Variants in CSMD1 observed in about 807,000 individuals in gnomAD.
CSMD1 encodes CUB and sushi domain-containing protein 1.
CSMD1 carries 213 observed loss-of-function variants against 417.5 expected under a neutral mutation model. The observed-to-expected ratio is 0.51, with a 90% CI of 0.46 to 0.57. CSMD1 has a LOEUF of 0.57. Ranked by LOEUF, CSMD1 falls within the 20% of genes least tolerant of loss-of-function variation. CSMD1 has a pLI of 0.00. For missense variants in CSMD1, 6,923 were observed against 4,529.7 expected (o/e 1.53, Z -15.17); for synonymous variants, 2,862 against 1,736.8 (o/e 1.65, Z -16.11).
At chr8:3,812,047 C>A (rs1801120746) in intron 5 of CSMD1, among the ~76,000 whole-genome samples, 2 of 151,958 alleles carry the variant, frequency 1.3e-5, no homozygotes, top group Non-Finnish European at 1.5e-5. Context: ...AAAAAAATTC[C>A]ATAAAGCATT....
chr8:4,628,982 C>T (rs1386903844), intron 2 of CSMD1, among the ~76,000 whole-genome samples: 3 of 152,262 alleles, frequency 2.0e-5, no homozygotes, highest in Non-Finnish European at 2.9e-5. Flanking sequence ...GAGATCTTCT[C>T]AGATCCGCAA....
intron 3 of CSMD1, among the ~76,000 whole-genome samples, chr8:4,238,883 A>G (rs1263774454): frequency 6.6e-6 from 1 of 152,160 alleles, no homozygotes; most frequent in Non-Finnish European, 1.5e-5. Flanking sequence ...TTTTTTAGCA[A>G]ATGCTTTTTT....
intron 1 of CSMD1, among the ~76,000 whole-genome samples, chr8:4,832,272 G>C (rs959927224): frequency 1.3e-5 from 2 of 152,156 alleles, no homozygotes; most frequent in South Asian, 2.1e-4. Flanking sequence ...TGTGATTCTA[G>C]TTCTTCCTGA....
chr8:3,608,823 T>A (rs759076904), intron 8 of CSMD1, among the ~76,000 whole-genome samples: 1 of 151,810 alleles, frequency 6.6e-6, no homozygotes, highest in African/African-American at 2.4e-5. Context: ...CTAGTCTATG[T>A]GGATCCGTGG....
At position 4,597,178 on chromosome 8, in the gene CSMD1, A is replaced by T. The variant is rs369069145; in HGVS notation, c.302+40164T>A. On this transcript the variant is annotated intron_variant, in intron 2 of 69. Coordinates refer to ENST00000635120, the MANE Select transcript of CSMD1 (RefSeq NM_033225.6). ...TCTCCTCAGTCAAAACTTTGAAATA[A>T]TAAACTTGTGATGCTGATTGAATGA... 6.4e-4 allele frequency among the ~76,000 whole-genome samples: 97 copies of T among 152,336 alleles called. No homozygotes were observed. In the Middle Eastern group the frequency reaches 0.01, roughly 16 times the overall value.
intron 26 of CSMD1, among the ~76,000 whole-genome samples, chr8:3,267,136 C>G (rs751529206): frequency 1.3e-5 from 2 of 152,046 alleles, no homozygotes; most frequent in South Asian, 2.1e-4. Flanking sequence ...GAGGTCGTCC[C>G]GCGGCAGCCA....
At chr8:3,276,024 G>T (rs375809953) in intron 26 of CSMD1, among the ~76,000 whole-genome samples, 4 of 152,130 alleles carry the variant, frequency 2.6e-5, no homozygotes, top group African/African-American at 9.7e-5. Flanking sequence ...AGAGTTTCCA[G>T]TTTTTCTGCT....
intron 2 of CSMD1, among the ~76,000 whole-genome samples, chr8:4,553,894 G>A (rs1013340058): frequency 5.9e-5 from 9 of 152,052 alleles, no homozygotes; most frequent in Non-Finnish European, 4.4e-5. Context: ...CCTAAAACAA[G>A]CACAAAAAAT....
chr8:3,742,618 G>T (rs893137501), intron 6 of CSMD1, among the ~76,000 whole-genome samples: 1 of 151,956 alleles, frequency 6.6e-6, no homozygotes, highest in Non-Finnish European at 1.5e-5. Flanking sequence ...ACGTGCCCAG[G>T]TCCACTTTTC....
chr8:4,207,715 T>G (rs1800064521), intron 3 of CSMD1, among the ~76,000 whole-genome samples: 1 of 152,114 alleles, frequency 6.6e-6, no homozygotes, highest in Non-Finnish European at 1.5e-5. Flanking sequence ...CTGATGAGTG[T>G]ATTAATAGCA....
rs577755138 is a variant in CSMD1, at chr8:4,331,733, C to T, written c.415+88220G>A. 1.4e-4 allele frequency among the ~76,000 whole-genome samples: 22 copies of T among 152,260 alleles called. No homozygotes were observed. In the South Asian group the frequency reaches 3.9e-3, roughly 27 times the overall value. On this transcript the variant is annotated intron_variant, in intron 3 of 69. Transcript: ENST00000635120. ...TCCTAAAGGCTTCACAATGACCTTT[C>T]TAAATATTAACCAGCTTCGGTCCAT...
At chr8:3,066,465 A>T (rs11780355) in intron 49 of CSMD1, among the ~76,000 whole-genome samples, 19,002 of 152,190 alleles carry the variant, frequency 0.12, 1,418 homozygotes, top group Non-Finnish European at 0.17. Flanking sequence ...GCCAACAAGA[A>T]TTCATTACGC....
intron 1 of CSMD1, among the ~76,000 whole-genome samples, chr8:4,881,240 G>A (rs1376962271): frequency 6.6e-6 from 1 of 152,082 alleles, no homozygotes; most frequent in Non-Finnish European, 1.5e-5. Context: ...TTCTCACTGA[G>A]TTATCAATAT....
chr8:4,118,872 G>C (rs894931819), intron 3 of CSMD1, among the ~76,000 whole-genome samples: 6 of 152,146 alleles, frequency 3.9e-5, no homozygotes, highest in African/African-American at 7.2e-5. Flanking sequence ...ACTGGATAAA[G>C]AAATGTGGCA....
At chr8:4,953,502 A>G (rs1046420741) in intron 1 of CSMD1, among the ~76,000 whole-genome samples, 3 of 152,148 alleles carry the variant, frequency 2.0e-5, no homozygotes, top group Admixed American at 1.3e-4. Flanking sequence ...AACATCGTCC[A>G]CGGTGGCAAG....
chr8:3,048,521 T>A (rs988342687), intron 50 of CSMD1, among the ~76,000 whole-genome samples: 1 of 152,178 alleles, frequency 6.6e-6, no homozygotes, highest in Admixed American at 6.5e-5. Context: ...CTGGAAAAAC[T>A]GGATATCTAC....
At chr8:4,348,945 C>G (rs1017201678) in intron 3 of CSMD1, among the ~76,000 whole-genome samples, 1 of 152,090 alleles carries the variant, frequency 6.6e-6, no homozygotes, top group African/African-American at 2.4e-5. Context: ...CCAGACAGTG[C>G]CCTCAGAATA....
intron 2 of CSMD1, among the ~76,000 whole-genome samples, chr8:4,449,830 C>A (rs569007839): frequency 6.6e-6 from 1 of 152,214 alleles, no homozygotes; most frequent in Non-Finnish European, 1.5e-5. Context: ...CTCCTACGTT[C>A]CCTATCTCAG....
In CSMD1 at chr8:4,994,501, G is replaced by T; in HGVS notation, c.-85C>A. On this transcript the variant is annotated 5_prime_UTR_variant, in exon 1 of 70. Transcript: ENST00000635120. The stretch of plus-strand genomic sequence containing the variant: ...TGAGCGGAGCCAAATAATCACCCGA[G>T]GGCAAGGCGAGCCGGAGAGAGAGCC... 7.9e-7 allele frequency: 1 copy of T among 1,270,214 alleles called. No homozygotes were observed. The highest frequency in any genetic ancestry group is 1.1e-6 in the Non-Finnish European group (1 of 898,556). 78.7% of individuals were successfully genotyped at this position (1,270,214 alleles called of 1,614,324 possible). A position where few individuals can be genotyped will look rare whatever the true frequency, so the allele number is the denominator to read the frequency against.
Sources: allele counts gnomAD v4.1 joint callset (sites outside exome capture counted in the v4.1 genomes callset), GRCh38; gene constraint gnomAD v4.1.1; transcripts MANE v1.5; gene names NCBI Gene and HGNC (gene_info 2026-07-23, HGNC 2026-07-21).